The following KRT27 variants were observed in gnomAD, a reference collection of about 807,000 sequenced individuals.
The protein encoded by KRT27 is keratin, type I cytoskeletal 27.
In KRT27, 30 loss-of-function variants were observed where a neutral mutation model predicts 45.3. The observed-to-expected ratio is 0.66, with a 90% CI of 0.50 to 0.90. KRT27 has a LOEUF of 0.90. Ranked by LOEUF, KRT27 falls within the 40% of genes least tolerant of loss-of-function variation. The probability of loss-of-function intolerance (pLI) is 0.00; values close to 1 mark genes in which losing one functional copy is unlikely to be tolerated. For synonymous variants in KRT27, 204 were observed against 223.9 expected (o/e 0.91, Z 0.79); for missense variants, 610 against 564.3 (o/e 1.08, Z -0.82).
intron 3 of KRT27, 32 bp downstream of exon 3, chr17:40,780,268 G>A: frequency 1.9e-6 from 3 of 1,562,444 alleles, no homozygotes; most frequent in Non-Finnish European, 2.6e-6. Context: ...GTAGGGAGGC[G>A]ATTGTGAGAG....
At chr17:40,781,740 C>T (rs765434834) in intron 1 of KRT27, among the ~76,000 whole-genome samples, 18 of 152,116 alleles carry the variant, frequency 1.2e-4, no homozygotes, top group Non-Finnish European at 2.2e-4. Flanking sequence ...GGTATGGTCT[C>T]TTGTATTTCC....
In KRT27 at chr17:40,782,062, T is replaced by C. The variant is rs1451114937; in HGVS notation, c.432A>G (p.Glu144=). Residue 144 remains glutamate (E), a synonymous_variant, in exon 1 of 8, where the codon GAA becomes GAG. Coordinates refer to ENST00000301656, the MANE Select transcript of KRT27 (RefSeq NM_181537.4). ...DYSRYFPIID[E]LKNQIISATT... ...TGGCGTTTCTTACCTGGTTCTTAAG[T>C]TCGTCAATAATTGGGAAATATCTGC... 3 of 1,610,810 alleles carry C rather than the reference T, an allele frequency of 1.9e-6. No individual in the cohort carries two copies. In the African/African-American group the frequency reaches 4.0e-5, roughly 21 times the overall value.
chr17:40,779,527 A>G lies in KRT27; in HGVS notation c.947T>C (p.Ile316Thr), dbSNP rs915313313. ...EMKRTLQTLE[I>T]ELQSLLATKH... ...CGTTGCTAAGAGGGACTGAAGTTCA[A>G]TCTCAAGGGTTTGAAGAGTGCGTTT... is the stretch of plus-strand genomic sequence containing the variant. The change falls in exon 5 of 8, where the codon ATT becomes ACT. Residue 316 changes from isoleucine to threonine, a missense_variant. Ile to Thr is a moderately conservative substitution (Grantham distance 89). Coordinates refer to ENST00000301656, the MANE Select transcript of KRT27 (RefSeq NM_181537.4). 29 of 1,613,854 alleles carry G rather than the reference A, an allele frequency of 1.8e-5. No homozygotes were observed. Among genetic ancestry groups the G allele is most frequent in the African/African-American group, 6.7e-5 (5 of 74,938 alleles).
intron 5 of KRT27, 114 bp downstream of exon 5, chr17:40,779,388 G>A: frequency 7.7e-7 from 1 of 1,297,466 alleles, no homozygotes; most frequent in Non-Finnish European, 1.0e-6. Flanking sequence ...CTTATGTCAA[G>A]CACTGTAATT....
rs201964894 is a variant in KRT27 at position 40,777,248 on chromosome 17, T to A, written c.1240+5A>T. The A allele has an allele frequency of 1.1e-5, 18 of 1,613,716 alleles. No homozygotes were observed. The highest frequency in any genetic ancestry group is 1.5e-5 in the Non-Finnish European group (18 of 1,179,886). On this transcript the variant is annotated splice_donor_5th_base_variant and intron_variant, in intron 7 of 7. Transcript: ENST00000301656. ...CACTGAATGCCTAACACAGCTTTTG[T>A]TTACCTTTTGTTTGATTTCCTGGGC...
intron 5 of KRT27, 107 bp downstream of exon 5, chr17:40,779,395 A>G (rs2038289832): frequency 1.4e-6 from 2 of 1,383,868 alleles, no homozygotes; most frequent in South Asian, 1.5e-5. Context: ...CAAGCACTGT[A>G]ATTAATGGTT....
chr17:40,778,013 C>T, intron 5 of KRT27: 1 of 424,784 alleles, frequency 2.4e-6, no homozygotes, highest in Non-Finnish European at 4.3e-6. Flanking sequence ...AAAGATCCCT[C>T]CCCTGCACCA....
chr17:40,777,502 C>T lies in KRT27; in HGVS notation c.1190+13G>A, dbSNP rs369608522. 8.1e-6 allele frequency: 13 copies of T among 1,612,672 alleles called. No individual in the cohort carries two copies. Among genetic ancestry groups the T allele is most frequent in the East Asian group, 6.7e-5 (3 of 44,882 alleles). On this transcript the variant is annotated intron_variant, in intron 6 of 7. Transcript: ENST00000301656. ...TAAAAATGAATTGTTTTCTCAATGG[C>T]GGCAATACTGACCCATCTTCTCCAT... is the stretch of plus-strand genomic sequence containing the variant.
At position 40,780,338 on chromosome 17, in the gene KRT27, TGA is replaced by T. The variant is rs2038300538; in HGVS notation, c.644_645del (p.Leu215GlnfsTer2). On this transcript the variant is annotated frameshift_variant, in exon 3 of 8. Transcript: ENST00000301656. LOFTEE classifies it high-confidence loss of function. ...TTCTTGAGGTAAGCGAGCTCCTCAC[TGA>T]GAGTTTCCAGCTGGATCTCCAGGTC... ...RTDLEIQLETLSEELAYLKKN... is the reference protein window; with the variant it reads ...RTDLEIQLETXSEELAYLKKN... The T allele has an allele frequency of 6.2e-7, 1 of 1,612,608 alleles. No individual in the cohort carries two copies. Among genetic ancestry groups the T allele is most frequent in the Non-Finnish European group, 8.5e-7 (1 of 1,179,360 alleles).
rs972135286 is a variant in KRT27 at position 40,780,373 on chromosome 17, C to T, written c.611G>A (p.Cys204Tyr). ...LRRVLDELTLCRTDLEIQLET... is the reference protein window; with the variant it reads ...LRRVLDELTLYRTDLEIQLET... The stretch of plus-strand genomic sequence containing the variant: ...CAGCTGGATCTCCAGGTCCGTTCTG[C>T]ACAAGGTCAGCTCATCCAGGACTCT... The change falls in exon 3 of 8, where the codon TGC becomes TAC. Residue 204 changes from cysteine (C) to tyrosine (Y), a missense_variant. Transcript: ENST00000301656. The T allele has an allele frequency of 6.2e-7, 1 of 1,613,446 alleles. No individual in the cohort carries two copies. Among genetic ancestry groups the T allele is most frequent in the African/African-American group, 1.3e-5 (1 of 74,914 alleles).
intron 5 of KRT27, 134 bp from the exon 6 acceptor site, chr17:40,777,866 C>G (rs2286648): frequency 0.4 from 349,179 of 876,394 alleles, 72,435 homozygotes; most frequent in East Asian, 0.63. Context: ...GATTCCACTT[C>G]TTCAATATTA....
intron 2 of KRT27, 52 bp downstream of exon 2, chr17:40,781,136 G>A (rs956186236): frequency 6.1e-6 from 7 of 1,143,134 alleles, no homozygotes; most frequent in Admixed American, 2.1e-5. Flanking sequence ...GAATAAAGGA[G>A]AAAAAATGCT....
At position 40,779,879 on chromosome 17, in the gene KRT27, A is replaced by C. The variant is rs1056665829; in HGVS notation, c.685-18T>G. On this transcript the variant is annotated intron_variant, in intron 3 of 7. Transcript: ENST00000301656. Reference sequence around the variant, plus strand: ...TTCATTTCCTGAAAGATATTTGTTTAACGGAATTAGGATCTGAATATTTTA... The same window carrying C: ...TTCATTTCCTGAAAGATATTTGTTTCACGGAATTAGGATCTGAATATTTTA... The C allele has an allele frequency of 6.3e-7, 1 of 1,599,404 alleles. No individual in the cohort carries two copies. Among genetic ancestry groups the C allele is most frequent in the Non-Finnish European group, 8.5e-7 (1 of 1,174,826 alleles).
chr17:40,779,647 G>GGGCGCTGGGGCTGGGGCCGCC lies in KRT27; in HGVS notation c.847-21_847-20insGGCGGCCCCAGCCCCAGCGCC, dbSNP rs1567680429. 1 of 1,613,822 alleles carries GGGCGCTGGGGCTGGGGCCGCC rather than the reference G, an allele frequency of 6.2e-7. No homozygotes were observed. The highest frequency in any genetic ancestry group is 1.7e-5 in the Admixed American group (1 of 59,896). The stretch of plus-strand genomic sequence containing the variant: ...GGCGCTCTGGAACGGCAGGGGCCGC[G>GGGCGCTGGGGCTGGGGCCGCC]TTAGGGCGCTGGGGCTGAGTCCGCG... On this transcript the variant is annotated intron_variant, in intron 4 of 7. Coordinates refer to ENST00000301656, the MANE Select transcript of KRT27 (RefSeq NM_181537.4).
At position 40,782,032 on chromosome 17, in the gene KRT27, CGCCATG is replaced by C; in HGVS notation, c.444+12_444+17del. The C allele has an allele frequency of 6.3e-7, 1 of 1,596,732 alleles. No individual in the cohort carries two copies. Among genetic ancestry groups the C allele is most frequent in the Non-Finnish European group, 8.5e-7 (1 of 1,175,070 alleles). On this transcript the variant is annotated intron_variant, in intron 1 of 7. Coordinates refer to ENST00000301656, the MANE Select transcript of KRT27 (RefSeq NM_181537.4). ...ACACTCTCAGGAGTGCTAACACTCA[CGCCATG>C]GCGTTTCTTACCTGGTTCTTAAGTT... is the stretch of plus-strand genomic sequence containing the variant.
intron 1 of KRT27, among the ~76,000 whole-genome samples, chr17:40,781,769 A>G (rs61322733): frequency 0.22 from 32,749 of 152,210 alleles, 4,693 homozygotes; most frequent in East Asian, 0.64. Context: ...GCATTAAAAA[A>G]AGCTCTTTCT....
Position 40,782,279 on chromosome 17 carries a change from A to G in KRT27, c.215T>C (p.Phe72Ser). 1.9e-6 allele frequency: 3 copies of G among 1,614,146 alleles called. No individual in the cohort carries two copies. The highest frequency in any genetic ancestry group is 2.2e-5 in the South Asian group (2 of 91,078). The part of the protein sequence containing the change: ...LGGGSASCAA[F>S]TGNEHGLLSG... Reference sequence around the variant, plus strand: ...GAGGAGGCCGTGCTCATTCCCTGTGAAGGCAGCACAGGAAGCACTTCCCCC... The same window carrying G: ...GAGGAGGCCGTGCTCATTCCCTGTGGAGGCAGCACAGGAAGCACTTCCCCC... The change falls in exon 1 of 8, where the codon TTC becomes TCC. Residue 72 changes from phenylalanine (F) to serine (S), a missense_variant. Coordinates refer to ENST00000301656, the MANE Select transcript of KRT27 (RefSeq NM_181537.4).
At position 40,779,536 on chromosome 17, in the gene KRT27, G is replaced by A. The variant is rs1239506076; in HGVS notation, c.938C>T (p.Thr313Ile). 6.2e-7 allele frequency: 1 copy of A among 1,614,224 alleles called. No individual in the cohort carries two copies. Among genetic ancestry groups the A allele is most frequent in the Non-Finnish European group, 8.5e-7 (1 of 1,180,018 alleles). Residue 313 changes from threonine to isoleucine, a missense_variant, in exon 5 of 8, where the codon ACC (threonine) becomes ATC (isoleucine). By Grantham distance (89) the Thr-to-Ile change is moderately conservative. Coordinates refer to ENST00000301656, the MANE Select transcript of KRT27 (RefSeq NM_181537.4). ...ELIEMKRTLQ[T>I]LEIELQSLLA... ...GAGGGACTGAAGTTCAATCTCAAGG[G>A]TTTGAAGAGTGCGTTTCATCTCGAT...
chr17:40,782,546 G>A lies in KRT27; in HGVS notation c.-53C>T, dbSNP rs185588211. The stretch of plus-strand genomic sequence containing the variant: ...CTGCGGTGATGCTCTGATGGTGAAC[G>A]GCCTACTCAAACAGCTTGGTTTGCC... On this transcript the variant is annotated 5_prime_UTR_variant, in exon 1 of 8. Transcript: ENST00000301656. The A allele has an allele frequency of 5.7e-6, 8 of 1,411,962 alleles. No individual in the cohort carries two copies. In the African/African-American group the frequency reaches 7.2e-5, roughly 13 times the overall value. 87.5% of individuals were successfully genotyped at this position (1,411,962 alleles called of 1,614,324 possible).
Sources: allele counts gnomAD v4.1 joint callset (sites outside exome capture counted in the v4.1 genomes callset), GRCh38; gene constraint gnomAD v4.1.1; transcripts MANE v1.5; gene names NCBI Gene and HGNC (gene_info 2026-07-23, HGNC 2026-07-21).